The following CAPRIN1 variants were observed in gnomAD, a reference collection of about 807,000 sequenced individuals.
The protein encoded by CAPRIN1 is caprin-1.
Under a neutral mutation model 100.9 loss-of-function variants are expected in CAPRIN1, and 29 were observed. The observed-to-expected ratio is 0.29, with a 90% CI of 0.21 to 0.39. The LOEUF (loss-of-function observed/expected upper bound fraction) is 0.39. Ranked by LOEUF, CAPRIN1 falls within the 10% of genes least tolerant of loss-of-function variation. The probability of loss-of-function intolerance (pLI) is 1.00; values close to 1 mark genes in which losing one functional copy is unlikely to be tolerated. For synonymous variants in CAPRIN1, 338 were observed against 307.5 expected, an observed-to-expected ratio of 1.10 and a Z score of -1.04; for missense variants, 795 against 876.7, an observed-to-expected ratio of 0.91 and a Z score of 1.18.
chr11:34,061,311 A>AT (rs1008088126), intron 2 of CAPRIN1, among the ~76,000 whole-genome samples: 1 of 145,636 alleles, frequency 6.9e-6, no homozygotes, highest in Non-Finnish European at 1.5e-5. Flanking sequence ...GGTTCAAGTG[A>AT]TTCTCCTGCC....
At position 34,091,979 on chromosome 11, in the gene CAPRIN1, C is replaced by T. The variant is rs2134132796; in HGVS notation, c.1628C>T (p.Ala543Val). Reference sequence around the variant, plus strand: ...TTAAAACAGCAAAATCAGTACCAGGCCAGTTATAACCAGAGCTTTTCTAGT... The same window carrying T: ...TTAAAACAGCAAAATCAGTACCAGGTCAGTTATAACCAGAGCTTTTCTAGT... ...ETLKQQNQYQASYNQSFSSQP... is the reference protein window; with the variant it reads ...ETLKQQNQYQVSYNQSFSSQP... The change falls in exon 15 of 19, where the codon GCC (alanine) becomes GTC (valine). Residue 543 changes from alanine (A) to valine (V), a missense_variant. Around this residue, in one of 3 missense-constraint regions of CAPRIN1, gnomAD observed 648 missense variants for 697.9 expected, o/e 0.93. Coordinates refer to ENST00000341394, the MANE Select transcript of CAPRIN1 (RefSeq NM_005898.5). 6.2e-7 allele frequency: 1 copy of T among 1,614,054 alleles called. No individual in the cohort carries two copies. The highest frequency in any genetic ancestry group is 8.5e-7 in the Non-Finnish European group (1 of 1,179,960).
In CAPRIN1 at chr11:34,099,678, T is replaced by C. The variant is rs1353972758; in HGVS notation, c.*311T>C. The stretch of plus-strand genomic sequence containing the variant: ...AGGGTGATAATAATCTCCATAGTTA[T>C]TTGAAGTGGCTTGAAAAAGGCAAGA... On this transcript the variant is annotated 3_prime_UTR_variant, in exon 19 of 19. Transcript: ENST00000341394. The C allele has an allele frequency of 3.3e-5, 9 of 269,570 alleles. No individual in the cohort carries two copies. The highest frequency in any genetic ancestry group is 6.7e-5 in the East Asian group (1 of 15,000). The allele number at this position is 269,570 out of a possible 1,614,324, so 16.7% of individuals were successfully genotyped here.
chr11:34,099,476 T>G lies in CAPRIN1; in HGVS notation c.*109T>G. ...TTGTTCTCCCTTTCAGGAAACTTAT[T>G]GTAAAGGGACTGTTTTCATCCCATA... On this transcript the variant is annotated 3_prime_UTR_variant, in exon 19 of 19. Coordinates refer to ENST00000341394, the MANE Select transcript of CAPRIN1 (RefSeq NM_005898.5). 1.1e-6 allele frequency: 1 copy of G among 900,472 alleles called. No homozygotes were observed. Among genetic ancestry groups the G allele is most frequent in the Middle Eastern group, 3.2e-4 (1 of 3,162 alleles). 55.8% of individuals were successfully genotyped at this position (900,472 alleles called of 1,614,324 possible). A position where few individuals can be genotyped will look rare whatever the true frequency, so the allele number is the denominator to read the frequency against.
At chr11:34,061,383 T>G (rs1284183727) in intron 2 of CAPRIN1, among the ~76,000 whole-genome samples, 4 of 151,912 alleles carry the variant, frequency 2.6e-5, no homozygotes, top group Non-Finnish European at 2.9e-5. Flanking sequence ...ATTTTCTGTA[T>G]TTTTAGTAGA....
chr11:34,072,022 C>T, intron 4 of CAPRIN1, 35 bp downstream of exon 4: 1 of 1,427,498 alleles, frequency 7.0e-7, no homozygotes, highest in East Asian at 2.3e-5. Flanking sequence ...TTATGAAATA[C>T]TTTTGTTGTT....
At chr11:34,098,107 A>T in intron 18 of CAPRIN1, 1 of 1,015,802 alleles carries the variant, frequency 9.8e-7, no homozygotes, top group Non-Finnish European at 1.2e-6. Context: ...TTTTGGAATG[A>T]GATTGAACAT....
chr11:34,082,881 T>C lies in CAPRIN1; in HGVS notation c.879+4T>C. 6.2e-7 allele frequency: 1 copy of C among 1,613,904 alleles called. No individual in the cohort carries two copies. Among genetic ancestry groups the C allele is most frequent in the Non-Finnish European group, 8.5e-7 (1 of 1,179,816 alleles). On this transcript the variant is annotated splice_donor_region_variant and intron_variant, in intron 8 of 18. Transcript: ENST00000341394. Reference sequence around the variant, plus strand: ...AAGTGAAGTTGAATCAACAGAGGTATGATTTTAATTTAATGCTGCCTTTAC... The same window carrying C: ...AAGTGAAGTTGAATCAACAGAGGTACGATTTTAATTTAATGCTGCCTTTAC...
At chr11:34,081,036 A>G (rs1851018767) in intron 7 of CAPRIN1, among the ~76,000 whole-genome samples, 1 of 152,214 alleles carries the variant, frequency 6.6e-6, no homozygotes, top group South Asian at 2.1e-4. Context: ...TATTTGCATT[A>G]TACATTATCT....
rs1437347371 is a variant in CAPRIN1, at chr11:34,096,552, G to C, written c.1779G>C (p.Gln593His). ...GTAACCACCAGCAGCCTCCTCAGCA[G>C]AACACTGGATTTCCACGTAGCAATC... ...VTGNHQQPPQ[Q>H]NTGFPRSNQP... Residue 593 changes from glutamine to histidine, a missense_variant, in exon 16 of 19, where the codon CAG (glutamine) becomes CAC (histidine). Transcript: ENST00000341394. The C allele has an allele frequency of 1.2e-6, 2 of 1,614,094 alleles. No individual in the cohort carries two copies. The highest frequency in any genetic ancestry group is 2.2e-5 in the South Asian group (2 of 91,066).
At chr11:34,053,213 T>A in intron 2 of CAPRIN1, 5 of 937,716 alleles carry the variant, frequency 5.3e-6, no homozygotes, top group Non-Finnish European at 6.4e-6. Flanking sequence ...GCAGGCCCAT[T>A]TTGAATGGGT....
At chr11:34,093,823 G>A (rs1003469574) in intron 15 of CAPRIN1, among the ~76,000 whole-genome samples, 1 of 124,030 alleles carries the variant, frequency 8.1e-6, no homozygotes, top group East Asian at 1.9e-4. Context: ...AGTAGAGAGA[G>A]GGTTTCACCA....
intron 10 of CAPRIN1, 24 bp downstream of exon 10, chr11:34,086,243 T>G: frequency 6.2e-7 from 1 of 1,611,880 alleles, no homozygotes; most frequent in Non-Finnish European, 8.5e-7. Flanking sequence ...AGTCAGACTC[T>G]GTAACAGAAA....
chr11:34,082,939 T>C lies in CAPRIN1; in HGVS notation c.880-16T>C. The C allele has an allele frequency of 6.2e-7, 1 of 1,613,568 alleles. No individual in the cohort carries two copies. Among genetic ancestry groups the C allele is most frequent in the Non-Finnish European group, 8.5e-7 (1 of 1,179,472 alleles). Reference sequence around the variant, plus strand: ...CCTTTCAAACAAATGTCTCAAACATTTACTTTGCTTTGCAGTATGTAAATA... The same window carrying C: ...CCTTTCAAACAAATGTCTCAAACATCTACTTTGCTTTGCAGTATGTAAATA... On this transcript the variant is annotated splice_polypyrimidine_tract_variant and intron_variant, in intron 8 of 18. Coordinates refer to ENST00000341394, the MANE Select transcript of CAPRIN1 (RefSeq NM_005898.5).
chr11:34,052,953 G>T (rs1850360186), intron 2 of CAPRIN1: 2 of 1,200,366 alleles, frequency 1.7e-6, no homozygotes, highest in Non-Finnish European at 2.1e-6. Flanking sequence ...CTGTCGTCAG[G>T]ACTTCACTGT....
chr11:34,096,815 T>G (rs1269792365), intron 16 of CAPRIN1, 142 bp downstream of exon 16: 6 of 620,450 alleles, frequency 9.7e-6, no homozygotes, highest in Non-Finnish European at 1.6e-5. Context: ...TATATTTTGG[T>G]ACAATTTGTG....
intron 15 of CAPRIN1, among the ~76,000 whole-genome samples, chr11:34,092,730 C>A (rs1851286529): frequency 1.3e-5 from 2 of 152,090 alleles, no homozygotes. Flanking sequence ...GTCAGTTAGA[C>A]AAAGTTAAGA....
In CAPRIN1 at chr11:34,091,935, T is replaced by A; in HGVS notation, c.1584T>A (p.Pro528=). 2.5e-6 allele frequency: 4 copies of A among 1,613,838 alleles called. No individual in the cohort carries two copies. Among genetic ancestry groups the A allele is most frequent in the Non-Finnish European group, 3.4e-6 (4 of 1,179,900 alleles). The part of the protein sequence containing the change: ...TVFNMNAPVP[P]VNEPETLKQQ... ...TCAATATGAATGCCCCAGTTCCTCC[T>A]GTTAATGAACCAGAAACTTTAAAAC... The change falls in exon 15 of 19, where the codon CCT becomes CCA. Residue 528 remains proline, a synonymous_variant. Transcript: ENST00000341394.
chr11:34,086,872 T>G (rs1157108459), intron 11 of CAPRIN1, among the ~76,000 whole-genome samples: 1 of 152,184 alleles, frequency 6.6e-6, no homozygotes, highest in African/African-American at 2.4e-5. Flanking sequence ...TCAAAATTAA[T>G]CTAGGAGTAA....
rs1193986014 is a variant in CAPRIN1, at chr11:34,092,037, G to A, written c.1686G>A (p.Gln562=). The A allele has an allele frequency of 3.7e-6, 6 of 1,613,964 alleles. No individual in the cohort carries two copies. The highest frequency in any genetic ancestry group is 3.4e-6 in the Non-Finnish European group (4 of 1,179,956). Residue 562 remains glutamine (Q), a synonymous_variant, in exon 15 of 19, where the codon CAG becomes CAA. Coordinates refer to ENST00000341394, the MANE Select transcript of CAPRIN1 (RefSeq NM_005898.5). ...QPHQVEQTEL[Q]QEQLQTVVGT... ...ACCAAGTAGAACAAACAGAGCTTCA[G>A]CAAGAACAGCTTCAAACAGGTACGA...
Sources: gnomAD v4.1 joint callset for allele counts (sites outside exome capture counted in the v4.1 genomes callset) on GRCh38, gnomAD v4.1.1 for gene constraint, gnomAD v4.1.1 regional missense constraint, MANE v1.5 for transcripts, NCBI Gene and HGNC (gene_info 2026-07-23, HGNC 2026-07-21) for gene names.